Variants in RFX4 observed in about 807,000 individuals in gnomAD.
RFX4 encodes the protein transcription factor RFX4.
In RFX4, 10 loss-of-function variants were observed where a neutral mutation model predicts 95.0. The observed-to-expected ratio is 0.11, with a 90% confidence interval of 0.06 to 0.18. RFX4 has a LOEUF of 0.18. RFX4 is among the 10% of genes least tolerant of loss of function. The probability of loss-of-function intolerance (pLI) is 1.00; values close to 1 mark genes in which losing one functional copy is unlikely to be tolerated. For synonymous variants in RFX4, 321 were observed against 340.7 expected (o/e 0.94, Z 0.64); for missense variants, 640 against 922.0 (o/e 0.69, Z 3.96).
chr12:106,719,900 A>AC, intron 11 of RFX4, 60 bp from the exon 12 acceptor site: 1 of 1,303,220 alleles, frequency 7.7e-7, no homozygotes, highest in Non-Finnish European at 1.1e-6. Flanking sequence ...TTCTTTTAAG[A>AC]CGTAGCTCTT....
At chr12:106,590,014 G>T (rs140007000) in intron 1 of RFX4, among the ~76,000 whole-genome samples, 1 of 152,336 alleles carries the variant, frequency 6.6e-6, no homozygotes, top group Non-Finnish European at 1.5e-5. Context: ...TGTCATCTTT[G>T]CTTCCCTAGA....
intron 2 of RFX4, among the ~76,000 whole-genome samples, chr12:106,624,362 G>C (rs964926858): frequency 2.0e-5 from 3 of 152,028 alleles, no homozygotes; most frequent in African/African-American, 7.2e-5. Context: ...GTCTCACTCT[G>C]TCACCAGGCT....
intron 13 of RFX4, among the ~76,000 whole-genome samples, chr12:106,730,997 C>G (rs2042601497): frequency 6.6e-6 from 1 of 151,272 alleles, no homozygotes; most frequent in Non-Finnish European, 1.5e-5. Flanking sequence ...GAGACTCCGT[C>G]TCAAAAAAAA....
chr12:106,719,889 GTTCTT>G, intron 11 of RFX4, 66 bp from the exon 12 acceptor site: 1 of 1,226,044 alleles, frequency 8.2e-7, no homozygotes, highest in Admixed American at 1.8e-5. Flanking sequence ...TTGTTCCTCT[GTTCTT>G]TTAAGACGTA....
At chr12:106,702,158 C>T (rs2042004551) in intron 8 of RFX4, among the ~76,000 whole-genome samples, 1 of 152,008 alleles carries the variant, frequency 6.6e-6, no homozygotes, top group Non-Finnish European at 1.5e-5. Flanking sequence ...TTTTAAATTT[C>T]CTGTCTGATA....
chr12:106,592,121 A>ATAT (rs1393377521), intron 1 of RFX4, among the ~76,000 whole-genome samples: 3 of 152,064 alleles, frequency 2.0e-5, no homozygotes, highest in South Asian at 2.1e-4. Context: ...TAAAAGGCAG[A>ATAT]TATTATTATT....
chr12:106,687,756 C>T (rs1818657134), intron 6 of RFX4, among the ~76,000 whole-genome samples: 2 of 152,106 alleles, frequency 1.3e-5, no homozygotes, highest in Non-Finnish European at 2.9e-5. Flanking sequence ...TTTGCTCTGT[C>T]AATCTCTATC....
intron 13 of RFX4, among the ~76,000 whole-genome samples, chr12:106,721,516 C>G (rs1346630983): frequency 6.6e-6 from 1 of 152,148 alleles, no homozygotes; most frequent in Non-Finnish European, 1.5e-5. Context: ...AACCTGATTA[C>G]TGAATCGGGG....
At chr12:106,687,561 A>G (rs540128785) in intron 6 of RFX4, among the ~76,000 whole-genome samples, 14 of 152,004 alleles carry the variant, frequency 9.2e-5, no homozygotes, top group Non-Finnish European at 7.4e-5. Context: ...AAAAAAAAAA[A>G]AAAAGAAAAG....
chr12:106,703,559 C>A (rs1003813299), intron 8 of RFX4, among the ~76,000 whole-genome samples: 1 of 152,126 alleles, frequency 6.6e-6, no homozygotes, highest in Non-Finnish European at 1.5e-5. Flanking sequence ...TTATTTTGTA[C>A]CACAAAGGTA....
chr12:106,738,641 T>A (rs572849347), intron 15 of RFX4, among the ~76,000 whole-genome samples: 1 of 152,328 alleles, frequency 6.6e-6, no homozygotes, highest in Admixed American at 6.5e-5. Context: ...GATATCTCCA[T>A]GGGGCATTAA....
chr12:106,611,957 C>T (rs563095903), intron 2 of RFX4, among the ~76,000 whole-genome samples: 1 of 152,300 alleles, frequency 6.6e-6, no homozygotes, highest in South Asian at 2.1e-4. Context: ...CTGGGCTTTC[C>T]ATATTATTCC....
intron 5 of RFX4, chr12:106,683,493 A>AAAAAAAAAAC (rs1687714728): frequency 8.2e-6 from 1 of 121,806 alleles, no homozygotes; most frequent in African/African-American, 3.1e-5. Context: ...AAAAAAAAAA[A>AAAAAAAAAAC]AAACAAACCT....
intron 1 of RFX4, chr12:106,601,249 G>C (rs1217417685): frequency 1.3e-6 from 2 of 1,567,180 alleles, no homozygotes; most frequent in Non-Finnish European, 1.7e-6. Flanking sequence ...AGGGAGCCAG[G>C]AGAGAGACAG....
At chr12:106,660,899 A>T (rs2041058726) in intron 4 of RFX4, among the ~76,000 whole-genome samples, 1 of 152,182 alleles carries the variant, frequency 6.6e-6, no homozygotes, top group Non-Finnish European at 1.5e-5. Context: ...TCTGAGGTGG[A>T]ACAGTTTCAT....
At chr12:106,702,405 T>G (rs2042009446) in intron 8 of RFX4, among the ~76,000 whole-genome samples, 2 of 152,206 alleles carry the variant, frequency 1.3e-5, no homozygotes, top group African/African-American at 4.8e-5. Context: ...TTACCTTTAG[T>G]GTAGCACCAG....
chr12:106,669,958 G>T (rs1234401576), intron 4 of RFX4, among the ~76,000 whole-genome samples: 1 of 151,678 alleles, frequency 6.6e-6, no homozygotes, highest in African/African-American at 2.4e-5. Flanking sequence ...GCAGCTGTGT[G>T]AGCTCAGATA....
At chr12:106,650,242 A>AT (rs900234022) in intron 3 of RFX4, among the ~76,000 whole-genome samples, 51 of 151,754 alleles carry the variant, frequency 3.4e-4, no homozygotes, top group East Asian at 3.9e-4. Flanking sequence ...GTGTTCATGG[A>AT]TTTTTTTTTA....
At chr12:106,746,086 G>A (rs953391741) in intron 15 of RFX4, among the ~76,000 whole-genome samples, 2 of 152,184 alleles carry the variant, frequency 1.3e-5, no homozygotes, top group African/African-American at 2.4e-5. Flanking sequence ...GGCCAGGTGC[G>A]GTGGCTCACG....
Sources: allele counts gnomAD v4.1 joint callset (sites outside exome capture counted in the v4.1 genomes callset), GRCh38; gene constraint gnomAD v4.1.1; transcripts MANE v1.5; gene names NCBI Gene and HGNC (gene_info 2026-07-23, HGNC 2026-07-21).